The following FGF14 variants were observed in gnomAD, a reference collection of about 807,000 sequenced individuals.
FGF14 encodes fibroblast growth factor homologous factor 4.
Under a neutral mutation model 25.5 loss-of-function variants are expected in FGF14, and 5 were observed. The observed-to-expected ratio is 0.20, with a 90% confidence interval of 0.10 to 0.41. FGF14 has a LOEUF of 0.41. Ranked by LOEUF, FGF14 falls within the 10% of genes least tolerant of loss-of-function variation. The pLI, the probability that FGF14 is intolerant of heterozygous loss-of-function variation, is 1.00. For missense variants in FGF14, 222 were observed against 320.1 expected (o/e 0.69, Z 2.34); for synonymous variants, 138 against 118.3 (o/e 1.17, Z -1.08).
At chr13:101,871,270 A>G (rs1270948214) in intron 2 of FGF14, among the ~76,000 whole-genome samples, 1 of 152,154 alleles carries the variant, frequency 6.6e-6, no homozygotes, top group African/African-American at 2.4e-5. Context: ...CTAGTTCTTC[A>G]TATAACAGTG....
intron 3 of FGF14, among the ~76,000 whole-genome samples, chr13:101,766,296 C>T (rs969782533): frequency 2.0e-5 from 3 of 152,116 alleles, no homozygotes; most frequent in African/African-American, 7.2e-5. Flanking sequence ...GAAGTCACAA[C>T]CTTCTCTTTT....
intron 1 of FGF14, among the ~76,000 whole-genome samples, chr13:102,063,580 C>T (rs1193091502): frequency 6.6e-6 from 1 of 151,356 alleles, no homozygotes; most frequent in Non-Finnish European, 1.5e-5. Flanking sequence ...CACGCCATTG[C>T]ACTCCAGCCT....
rs56200654 is a variant in FGF14, at chr13:101,720,530, C to CTGTGTGTGTGTGTGTGTGTG, written c.*2281_*2300dup. ...TAACAAATAGATGGGGGTGTTTGCT[C>CTGTGTGTGTGTGTGTGTGTG]TGTGTGTGTGTGTGTGTGTGTGTGT... On this transcript the variant is annotated 3_prime_UTR_variant, in exon 5 of 5. Coordinates refer to ENST00000376143, the MANE Select transcript of FGF14 (RefSeq NM_004115.4). 6.8e-6 allele frequency: 1 copy of CTGTGTGTGTGTGTGTGTGTG among 147,572 alleles called. No individual in the cohort carries two copies. Among genetic ancestry groups the CTGTGTGTGTGTGTGTGTGTG allele is most frequent in the African/African-American group, 2.5e-5 (1 of 39,792 alleles). The allele number at this position is 147,572 out of a possible 1,614,324, so 9.1% of individuals were successfully genotyped here.
At chr13:101,936,903 A>C (rs1012495247) in intron 1 of FGF14, among the ~76,000 whole-genome samples, 2 of 152,238 alleles carry the variant, frequency 1.3e-5, no homozygotes, top group Admixed American at 6.5e-5. Context: ...CTTCCTAGGC[A>C]GAAAAATTAA....
Position 102,137,385 on chromosome 13 carries a change from C to T in FGF14, c.209-262089G>A, listed in dbSNP as rs140038720. On this transcript the variant is annotated intron_variant, in intron 1 of 4. Transcript: ENST00000376131. ...AATAAAATTACTTGAGCAAAAGTATCTCGAAACTACACATAGTTGTCCAGG... is the reference window on the plus strand; with the variant it reads ...AATAAAATTACTTGAGCAAAAGTATTTCGAAACTACACATAGTTGTCCAGG... Among the ~76,000 whole-genome samples, 332 of 152,286 alleles carry T rather than the reference C, an allele frequency of 2.2e-3. 1 individual carries two copies. Among genetic ancestry groups the T allele is most frequent in the Non-Finnish European group, 4.6e-4 (31 of 68,022 alleles).
chr13:101,935,656 G>A (rs987421627), intron 1 of FGF14, among the ~76,000 whole-genome samples: 8 of 152,040 alleles, frequency 5.3e-5, no homozygotes, highest in Non-Finnish European at 1.0e-4. Context: ...CCAGCCATGC[G>A]GAACCATGAG....
intron 1 of FGF14, among the ~76,000 whole-genome samples, chr13:101,894,969 C>T (rs1259187654): frequency 6.6e-6 from 1 of 152,150 alleles, no homozygotes; most frequent in South Asian, 2.1e-4. Context: ...ATTTTTTGCC[C>T]TCATTTAAGA....
intron 1 of FGF14, among the ~76,000 whole-genome samples, chr13:102,065,783 ATATT>A (rs1254516283): frequency 6.6e-6 from 1 of 151,990 alleles, no homozygotes; most frequent in African/African-American, 2.4e-5. Context: ...ATATTTGTAA[ATATT>A]TATTAATATG....
At chr13:102,244,959 C>T (rs1343899021) in intron 1 of FGF14, among the ~76,000 whole-genome samples, 3 of 152,058 alleles carry the variant, frequency 2.0e-5, no homozygotes, top group African/African-American at 7.2e-5. Context: ...TCAATTTATT[C>T]TTATAACATG....
chr13:102,182,479 C>G (rs1315274115), intron 1 of FGF14, among the ~76,000 whole-genome samples: 1 of 152,104 alleles, frequency 6.6e-6, no homozygotes, highest in Non-Finnish European at 1.5e-5. Context: ...ATGGCTGCAA[C>G]AGAAAACTAA....
At chr13:102,053,665 T>C (rs1468492751) in intron 1 of FGF14, among the ~76,000 whole-genome samples, 1 of 152,152 alleles carries the variant, frequency 6.6e-6, no homozygotes, top group Non-Finnish European at 1.5e-5. Context: ...TACTGCTTTA[T>C]AAATGTTTAA....
intron 1 of FGF14, among the ~76,000 whole-genome samples, chr13:102,316,693 C>T (rs551595851): frequency 6.6e-6 from 1 of 152,208 alleles, no homozygotes; most frequent in East Asian, 1.9e-4. Flanking sequence ...TGTAGTTTTT[C>T]AGCCATGGTA....
At chr13:101,885,798 C>A (rs1332347369) in intron 1 of FGF14, among the ~76,000 whole-genome samples, 1 of 151,924 alleles carries the variant, frequency 6.6e-6, no homozygotes, top group Non-Finnish European at 1.5e-5. Flanking sequence ...TGCAGCTAGC[C>A]CTCAATGAAC....
intron 1 of FGF14, among the ~76,000 whole-genome samples, chr13:102,258,532 A>G (rs1157829340): frequency 6.6e-6 from 1 of 152,082 alleles, no homozygotes; most frequent in Admixed American, 6.5e-5. Flanking sequence ...TTGATGGCCA[A>G]ACCCCTACAT....
At chr13:102,221,552 C>T (rs1472600771) in intron 1 of FGF14, among the ~76,000 whole-genome samples, 1 of 152,022 alleles carries the variant, frequency 6.6e-6, no homozygotes, top group Non-Finnish European at 1.5e-5. Flanking sequence ...GAAACATGCA[C>T]AGCCATTTCA....
chr13:102,324,897 CCTG>C (rs1555401360), intron 1 of FGF14, among the ~76,000 whole-genome samples: 1 of 152,052 alleles, frequency 6.6e-6, no homozygotes, highest in Non-Finnish European at 1.5e-5. Context: ...TACCATATCG[CCTG>C]CTAACCATTA....
chr13:102,270,500 T>C (rs916404647), intron 1 of FGF14, among the ~76,000 whole-genome samples: 1 of 152,192 alleles, frequency 6.6e-6, no homozygotes, highest in African/African-American at 2.4e-5. Context: ...TTTCTTAGGA[T>C]AGATTCTCAG....
chr13:102,154,815 G>A (rs1022645390), intron 1 of FGF14, among the ~76,000 whole-genome samples: 1 of 151,444 alleles, frequency 6.6e-6, no homozygotes, highest in Non-Finnish European at 1.5e-5. Context: ...AAGGGATGGA[G>A]AAAGATCTAC....
chr13:102,175,444 A>G (rs1240634392), intron 1 of FGF14, among the ~76,000 whole-genome samples: 1 of 152,174 alleles, frequency 6.6e-6, no homozygotes. Context: ...TTAACTCAAA[A>G]CAGATTAAAG....
Sources: allele counts gnomAD v4.1 joint callset (sites outside exome capture counted in the v4.1 genomes callset), GRCh38; gene constraint gnomAD v4.1.1; transcripts MANE v1.5; gene names NCBI Gene and HGNC (gene_info 2026-07-23, HGNC 2026-07-21).